Variants in TAFA1 observed in about 807,000 individuals in gnomAD.
TAFA1 encodes the protein chemokine-like protein TAFA-1.
Under a neutral mutation model 18.5 loss-of-function variants are expected in TAFA1, and 4 were observed. That is an observed-to-expected ratio of 0.22 (90% CI 0.11 to 0.49). The LOEUF is 0.49. Ranked by LOEUF, TAFA1 falls within the 20% of genes least tolerant of loss-of-function variation. The probability of loss-of-function intolerance (pLI) is 0.98; values close to 1 mark genes in which losing one functional copy is unlikely to be tolerated. For synonymous variants in TAFA1, 56 were observed against 55.2 expected (o/e 1.01, Z -0.06); for missense variants, 147 against 169.0 (o/e 0.87, Z 0.72).
At chr3:68,178,257 T>C (rs916639366) in intron 2 of TAFA1, among the ~76,000 whole-genome samples, 1 of 152,226 alleles carries the variant, frequency 6.6e-6, no homozygotes, top group Non-Finnish European at 1.5e-5. Context: ...TTGTCATCTA[T>C]TTCCTCATTC....
At chr3:68,430,075 G>A (rs938551222) in intron 3 of TAFA1, among the ~76,000 whole-genome samples, 1 of 151,884 alleles carries the variant, frequency 6.6e-6, no homozygotes, top group African/African-American at 2.4e-5. Flanking sequence ...CTACAGTCCA[G>A]CAGGAGAGAC....
At chr3:68,148,853 A>C (rs2065773371) in intron 2 of TAFA1, among the ~76,000 whole-genome samples, 3 of 152,252 alleles carry the variant, frequency 2.0e-5, no homozygotes, top group South Asian at 4.1e-4. Flanking sequence ...GTAAAAATCC[A>C]GTCCCCAATA....
intron 2 of TAFA1, among the ~76,000 whole-genome samples, chr3:68,139,452 G>A (rs2065644428): frequency 6.6e-6 from 1 of 152,054 alleles, no homozygotes; most frequent in Non-Finnish European, 1.5e-5. Context: ...TAACATTATG[G>A]GGAAATATTG....
chr3:68,169,797 T>C (rs1436625578), intron 2 of TAFA1, among the ~76,000 whole-genome samples: 1 of 152,196 alleles, frequency 6.6e-6, no homozygotes, highest in Non-Finnish European at 1.5e-5. Flanking sequence ...AAAGGCAACT[T>C]CAATTTGTAG....
At position 68,126,661 on chromosome 3, in the gene TAFA1, G is replaced by C. The variant is rs985351389; in HGVS notation, c.118+119917G>C. On this transcript the variant is annotated intron_variant, in intron 2 of 4. Coordinates refer to ENST00000478136, the MANE Select transcript of TAFA1 (RefSeq NM_213609.4). ...ACTATTTGGTACACACCTTTCAAGA[G>C]GGAGCTTATGGAAAGATGCACAGTT... is the stretch of plus-strand genomic sequence containing the variant. 5.3e-5 allele frequency among the ~76,000 whole-genome samples: 8 copies of C among 152,318 alleles called. No homozygotes were observed. In the East Asian group the frequency reaches 1.3e-3, roughly 26 times the overall value.
chr3:68,287,466 AG>A (rs1317543430), intron 2 of TAFA1, among the ~76,000 whole-genome samples: 1 of 146,740 alleles, frequency 6.8e-6, no homozygotes, highest in African/African-American at 2.7e-5. Context: ...AATCACCGTA[AG>A]GGGCAATGAG....
intron 3 of TAFA1, among the ~76,000 whole-genome samples, chr3:68,459,401 C>T (rs942490744): frequency 6.6e-6 from 1 of 152,146 alleles, no homozygotes; most frequent in Non-Finnish European, 1.5e-5. Flanking sequence ...ATCTTGAGTT[C>T]AGAAGCTATA....
intron 3 of TAFA1, among the ~76,000 whole-genome samples, chr3:68,441,027 G>C (rs763187028): frequency 3.3e-5 from 5 of 152,144 alleles, no homozygotes; most frequent in Non-Finnish European, 7.3e-5. Flanking sequence ...GGGTCCAGTG[G>C]TGTTGGGTCT....
intron 2 of TAFA1, among the ~76,000 whole-genome samples, chr3:68,082,173 C>T (rs981133778): frequency 7.0e-6 from 1 of 143,446 alleles, no homozygotes; most frequent in South Asian, 2.1e-4. Flanking sequence ...TGCTTCGGCT[C>T]GCGCATGGTG....
chr3:68,322,278 A>C (rs2068707170), intron 2 of TAFA1, among the ~76,000 whole-genome samples: 1 of 152,168 alleles, frequency 6.6e-6, no homozygotes, highest in African/African-American at 2.4e-5. Flanking sequence ...TACTCATTAA[A>C]TTATTTAAAG....
rs552982628 is a variant in TAFA1, at chr3:68,248,661, A to G, written c.119-168619A>G. Among the ~76,000 whole-genome samples, 29 of 145,346 alleles carry G rather than the reference A, an allele frequency of 2.0e-4. No homozygotes were observed. In the South Asian group the frequency reaches 6.3e-3, roughly 32 times the overall value. ...AGAGCTGGGGAATCTGGGAATGGCA[A>G]ACCTGGAGATGGGCTCCTTATCTAT... On this transcript the variant is annotated intron_variant, in intron 2 of 4. Transcript: ENST00000478136.
chr3:68,436,028 C>T lies in TAFA1; in HGVS notation c.259+18608C>T, dbSNP rs574351801. ...TTTTTTAAAAGCTCCATGAGGGATA[C>T]TAAGGGATAACCAGAGTTGAGAACC... On this transcript the variant is annotated intron_variant, in intron 3 of 4. Transcript: ENST00000478136. Among the ~76,000 whole-genome samples, 19 of 152,226 alleles carry T rather than the reference C, an allele frequency of 1.2e-4. No individual in the cohort carries two copies. In the South Asian group the frequency reaches 2.3e-3, roughly 18 times the overall value.
chr3:68,362,425 T>C (rs2069485603), intron 2 of TAFA1, among the ~76,000 whole-genome samples: 1 of 152,130 alleles, frequency 6.6e-6, no homozygotes, highest in African/African-American at 2.4e-5. Context: ...AGAAATGGTA[T>C]CTTAGATTCA....
intron 2 of TAFA1, among the ~76,000 whole-genome samples, chr3:68,190,195 A>G (rs2066320776): frequency 6.6e-6 from 1 of 151,816 alleles, no homozygotes; most frequent in Non-Finnish European, 1.5e-5. Context: ...AGTCACCAAA[A>G]CTTCTTTTAT....
At position 68,234,228 on chromosome 3, in the gene TAFA1, A is replaced by G. The variant is rs1416844128; in HGVS notation, c.119-183052A>G. Among the ~76,000 whole-genome samples the G allele has an allele frequency of 3.3e-5, 5 of 152,168 alleles. No individual in the cohort carries two copies. The East Asian group carries it at 9.6e-4, about 29-fold the overall frequency. On this transcript the variant is annotated intron_variant, in intron 2 of 4. Transcript: ENST00000478136. The stretch of plus-strand genomic sequence containing the variant: ...GCAGTGGCAGGTGTTTGGAAACTGC[A>G]TTTGGAATTGGCCTCCTACAGAAAG...
At chr3:68,168,446 G>T (rs906647169) in intron 2 of TAFA1, among the ~76,000 whole-genome samples, 11 of 152,190 alleles carry the variant, frequency 7.2e-5, no homozygotes, top group African/African-American at 2.7e-4. Context: ...TAAAGCAAGT[G>T]TTAATAGTTG....
intron 2 of TAFA1, among the ~76,000 whole-genome samples, chr3:68,340,841 C>T (rs2069070503): frequency 6.6e-6 from 1 of 152,150 alleles, no homozygotes; most frequent in African/African-American, 2.4e-5. Flanking sequence ...AGACAGAAAT[C>T]TGACCTGTAT....
chr3:68,046,247 GA>G (rs1705265574), intron 2 of TAFA1, among the ~76,000 whole-genome samples: 1 of 151,920 alleles, frequency 6.6e-6, no homozygotes, highest in Non-Finnish European at 1.5e-5. Flanking sequence ...AGGTCTAGAT[GA>G]TTTTTTTTGT....
intron 3 of TAFA1, among the ~76,000 whole-genome samples, chr3:68,423,556 T>C (rs1402632114): frequency 6.6e-6 from 1 of 152,062 alleles, no homozygotes; most frequent in Non-Finnish European, 1.5e-5. Flanking sequence ...AAACACCCAG[T>C]TCATTGGGCA....
Sources: allele counts gnomAD v4.1 joint callset (sites outside exome capture counted in the v4.1 genomes callset), GRCh38; gene constraint gnomAD v4.1.1; transcripts MANE v1.5; gene names NCBI Gene and HGNC (gene_info 2026-07-23, HGNC 2026-07-21).